JPT2: variants seen among roughly 807,000 people sequenced by gnomAD.
JPT2 encodes CRAMP_1 like.
A neutral mutation model predicts 15.9 loss-of-function variants in JPT2; 9 were observed. The ratio of observed to expected loss-of-function variants is 0.57; its 90% CI spans 0.34 to 0.99. JPT2 has a LOEUF of 0.99. Among genes scored for constraint, JPT2 ranks in the 50% least tolerant of loss-of-function variants. The pLI is 0.02. For missense variants in JPT2, 267 were observed against 252.1 expected (o/e 1.06, Z -0.40); for synonymous variants, 95 against 91.7 (o/e 1.04, Z -0.21).
At chr16:1,692,071 T>C in intron 3 of JPT2, 86 bp downstream of exon 3, 1 of 1,506,976 alleles carries the variant, frequency 6.6e-7, no homozygotes, top group South Asian at 1.2e-5. Flanking sequence ...ATGCGACATG[T>C]TTTTAGGGAG....
intron 4 of JPT2, 33 bp downstream of exon 4, chr16:1,697,893 T>C (rs143422275): frequency 6.3e-7 from 1 of 1,596,434 alleles, no homozygotes; most frequent in East Asian, 2.2e-5. Context: ...TTCTCCTGAG[T>C]GGCCTCATTA....
intron 3 of JPT2, among the ~76,000 whole-genome samples, chr16:1,693,578 C>T (rs946337833): frequency 6.6e-6 from 1 of 152,142 alleles, no homozygotes; most frequent in African/African-American, 2.4e-5. Flanking sequence ...TCACACTTTC[C>T]AGTGAACGTA....
chr16:1,696,520 CAAAA>C (rs56844421), intron 3 of JPT2, among the ~76,000 whole-genome samples: 62 of 112,132 alleles, frequency 5.5e-4, no homozygotes, highest in African/African-American at 2.0e-3. Context: ...GACTCCGTGT[CAAAA>C]AAAAAAAAAA....
chr16:1,685,157 T>C (rs1374951479), intron 1 of JPT2, among the ~76,000 whole-genome samples: 1 of 151,870 alleles, frequency 6.6e-6, no homozygotes, highest in Non-Finnish European at 1.5e-5. Context: ...CAAAACCCTG[T>C]CTCTACCAAA....
chr16:1,683,464 T>C (rs1280782736), intron 1 of JPT2: 2 of 1,277,762 alleles, frequency 1.6e-6, no homozygotes, highest in Non-Finnish European at 1.1e-6. Context: ...ATAATTTTTC[T>C]TAAGTGCACC....
At chr16:1,692,351 C>T (rs1264595947) in intron 3 of JPT2, 2 of 256,806 alleles carry the variant, frequency 7.8e-6, no homozygotes, top group Admixed American at 1.0e-4. Context: ...TTTCACCTTG[C>T]AGAGGAAAAG....
chr16:1,688,711 A>G (rs2037084553), intron 2 of JPT2: 2 of 152,216 alleles, frequency 1.3e-5, no homozygotes, highest in Admixed American at 1.3e-4. Context: ...CAATCTCCCA[A>G]ATAAATAAAT....
At chr16:1,679,696 C>CAAA (rs36037229) in intron 1 of JPT2, among the ~76,000 whole-genome samples, 2 of 114,832 alleles carry the variant, frequency 1.7e-5, no homozygotes, top group Non-Finnish European at 3.7e-5. Context: ...GACTCCGTCT[C>CAAA]AAAAAAAAAA....
intron 1 of JPT2, among the ~76,000 whole-genome samples, chr16:1,679,351 T>C (rs1227088231): frequency 6.6e-6 from 1 of 152,222 alleles, no homozygotes; most frequent in Non-Finnish European, 1.5e-5. Flanking sequence ...ACAAATACTA[T>C]ATTGAATAAA....
chr16:1,692,968 G>A lies in JPT2; in HGVS notation c.336+983G>A, dbSNP rs17135494. On this transcript the variant is annotated intron_variant, in intron 3 of 4. Coordinates refer to ENST00000248098, the MANE Select transcript of JPT2 (RefSeq NM_144570.3). Reference sequence around the variant, plus strand: ...ACATGAGTGGATGAGGGCATTGATCGCGGCCAGCCTGGTTTGGATTGCCCT... The same window carrying A: ...ACATGAGTGGATGAGGGCATTGATCACGGCCAGCCTGGTTTGGATTGCCCT... 1.8e-3 allele frequency among the ~76,000 whole-genome samples: 281 copies of A among 152,316 alleles called. 1 individual carries two copies. The highest frequency in any genetic ancestry group is 6.4e-3 in the African/African-American group (264 of 41,574).
chr16:1,682,947 C>A (rs566690015), intron 1 of JPT2, among the ~76,000 whole-genome samples: 1 of 152,034 alleles, frequency 6.6e-6, no homozygotes, highest in Admixed American at 6.6e-5. Flanking sequence ...GGACAACAGG[C>A]GCATACCACC....
At chr16:1,693,630 A>G (rs1472129064) in intron 3 of JPT2, among the ~76,000 whole-genome samples, 1 of 152,184 alleles carries the variant, frequency 6.6e-6, no homozygotes, top group African/African-American at 2.4e-5. Context: ...AACTGGGCAT[A>G]GAACAAGTGG....
At chr16:1,686,917 G>A (rs1350922798) in intron 2 of JPT2, among the ~76,000 whole-genome samples, 1 of 152,086 alleles carries the variant, frequency 6.6e-6, no homozygotes, top group Admixed American at 6.6e-5. Flanking sequence ...CCGTTTTGGG[G>A]TACCAATATT....
intron 3 of JPT2, 185 bp downstream of exon 3, chr16:1,692,170 G>A: frequency 1.3e-6 from 1 of 755,482 alleles, no homozygotes; most frequent in Non-Finnish European, 2.1e-6. Context: ...AAACAGTCCA[G>A]CCTTGTGCTG....
intron 1 of JPT2, chr16:1,683,591 AG>A: frequency 6.5e-7 from 1 of 1,535,084 alleles, no homozygotes; most frequent in South Asian, 1.2e-5. Flanking sequence ...ACCACTTCAG[AG>A]GTCGGCCAGC....
chr16:1,693,087 G>T (rs747437592), intron 3 of JPT2, among the ~76,000 whole-genome samples: 1 of 152,074 alleles, frequency 6.6e-6, no homozygotes, highest in East Asian at 1.9e-4. Context: ...AGGTTTGGTC[G>T]TGTTTTTTCG....
At chr16:1,697,695 A>C in intron 3 of JPT2, 117 bp from the exon 4 acceptor site, 1 of 871,796 alleles carries the variant, frequency 1.1e-6, no homozygotes, top group Admixed American at 2.1e-5. Context: ...TCCTGAGGTC[A>C]GATATACAAG....
chr16:1,700,286 G>C lies in JPT2; in HGVS notation c.*1288G>C. The C allele has an allele frequency of 2.5e-6, 1 of 403,398 alleles. No individual in the cohort carries two copies. The highest frequency in any genetic ancestry group is 1.7e-5 in the South Asian group (1 of 59,994). The allele number at this position is 403,398 out of a possible 1,614,324, so 25.0% of individuals were successfully genotyped here. ...ACTCAGCTAATGGGATGGCAAAGGTGGTGGTGCTTTCATCTTCAGGCAGAA... is the reference window on the plus strand; with the variant it reads ...ACTCAGCTAATGGGATGGCAAAGGTCGTGGTGCTTTCATCTTCAGGCAGAA... On this transcript the variant is annotated 3_prime_UTR_variant, in exon 5 of 5. Coordinates refer to ENST00000248098, the MANE Select transcript of JPT2 (RefSeq NM_144570.3).
At chr16:1,683,478 C>T in intron 1 of JPT2, 1 of 1,413,020 alleles carries the variant, frequency 7.1e-7, no homozygotes, top group Non-Finnish European at 9.6e-7. Context: ...GTGCACCTGT[C>T]TTTTTTTTTC....
Sources: gnomAD v4.1 joint callset for allele counts (sites outside exome capture counted in the v4.1 genomes callset) on GRCh38, gnomAD v4.1.1 for gene constraint, MANE v1.5 for transcripts, NCBI Gene and HGNC (gene_info 2026-07-23, HGNC 2026-07-21) for gene names.